The following C3orf49 variants were observed in gnomAD, a reference collection of about 807,000 sequenced individuals.
C3orf49 encodes the protein putative uncharacterized protein C3orf49.
Under a neutral mutation model 13.3 loss-of-function variants are expected in C3orf49, and 27 were observed. That is an observed-to-expected ratio of 2.02 (90% CI 1.49 to 2.79). The LOEUF (loss-of-function observed/expected upper bound fraction) is 2.79. Ranked by LOEUF, C3orf49 falls within the 30% of genes most tolerant of loss-of-function variation. C3orf49 has a pLI of 0.00. For synonymous variants in C3orf49, 87 were observed against 47.6 expected, an observed-to-expected ratio of 1.83 and a Z score of -3.40; for missense variants, 242 against 134.2, an observed-to-expected ratio of 1.80 and a Z score of -3.97.
chr3:63,847,558 G>A (rs1160236752), intron 6 of C3orf49, among the ~76,000 whole-genome samples: 3 of 152,146 alleles, frequency 2.0e-5, no homozygotes, highest in East Asian at 1.9e-4. Context: ...CCAACAAGGC[G>A]AAACCCTGTT....
the C3orf49 span, among the ~76,000 whole-genome samples, chr3:63,799,757 C>T: frequency 1.3e-5 from 2 of 152,162 alleles, no homozygotes; most frequent in East Asian, 3.9e-4. Flanking sequence ...ACAGTTGAAA[C>T]AGCAAAGCAG....
At chr3:63,813,988 A>C in the C3orf49 span, among the ~76,000 whole-genome samples, 2 of 152,154 alleles carry the variant, frequency 1.3e-5, no homozygotes, top group Non-Finnish European at 2.9e-5. Flanking sequence ...CTTCACCCAG[A>C]CTCAGAATAA....
the C3orf49 span, among the ~76,000 whole-genome samples, chr3:63,805,518 C>G: frequency 0.016 from 2,391 of 152,324 alleles, 33 homozygotes; most frequent in Non-Finnish European, 0.025. Flanking sequence ...GGGTCAGAGA[C>G]AAAGGACTTT....
the C3orf49 span, among the ~76,000 whole-genome samples, chr3:63,808,680 T>G: frequency 4.6e-5 from 7 of 152,218 alleles, no homozygotes; most frequent in Non-Finnish European, 1.0e-4. Flanking sequence ...TCTTCCAATT[T>G]AGTTGGTCAA....
chr3:63,780,636 C>A, the C3orf49 span, among the ~76,000 whole-genome samples: 1 of 152,232 alleles, frequency 6.6e-6, no homozygotes, highest in Non-Finnish European at 1.5e-5. Flanking sequence ...TGTTTCTCCA[C>A]ATCCTCTCCA....
At chr3:63,846,275 T>C in intron 6 of C3orf49, 2 of 436,660 alleles carry the variant, frequency 4.6e-6, no homozygotes, top group South Asian at 1.6e-5. Flanking sequence ...AATCAGGAGA[T>C]AATCCCCAAG....
the C3orf49 span, among the ~76,000 whole-genome samples, chr3:63,801,090 A>C: frequency 6.6e-6 from 1 of 152,128 alleles, no homozygotes; most frequent in Non-Finnish European, 1.5e-5. Flanking sequence ...TGCCCTGGGG[A>C]AGGGAAAAAA....
the C3orf49 span, among the ~76,000 whole-genome samples, chr3:63,796,238 C>T: frequency 6.6e-6 from 1 of 152,124 alleles, no homozygotes; most frequent in Non-Finnish European, 1.5e-5. Flanking sequence ...CTGTGGCAGT[C>T]ACCTCTAAAT....
intron 5 of C3orf49, among the ~76,000 whole-genome samples, chr3:63,837,338 A>AT (rs35256080): frequency 0.52 from 79,383 of 151,696 alleles, 23,114 homozygotes; most frequent in South Asian, 0.69. Context: ...TACACATTAT[A>AT]TTTTTTATTT....
the C3orf49 span, among the ~76,000 whole-genome samples, chr3:63,802,552 T>C: frequency 1.2e-4 from 19 of 152,236 alleles, no homozygotes; most frequent in Admixed American, 1.2e-3. Context: ...ACAGTTATGA[T>C]TATGTGGCCA....
intron 3 of C3orf49, among the ~76,000 whole-genome samples, chr3:63,829,129 G>C (rs910158332): frequency 6.6e-6 from 1 of 152,168 alleles, no homozygotes; most frequent in Non-Finnish European, 1.5e-5. Context: ...CTGTCAGAGT[G>C]CACTGATACT....
At chr3:63,819,096 T>TTTG (rs142440061), upstream of C3orf49, among the ~76,000 whole-genome samples, 4,012 of 152,162 alleles carry the variant, frequency 0.026, 167 homozygotes, top group African/African-American at 0.09. Flanking sequence ...GTGGGTGTTT[T>TTTG]TTGTTGTTGT....
the C3orf49 span, among the ~76,000 whole-genome samples, chr3:63,788,591 C>T: frequency 6.6e-6 from 1 of 152,002 alleles, no homozygotes; most frequent in African/African-American, 2.4e-5. Flanking sequence ...GCCCTGAGAA[C>T]TTGCAACATT....
upstream of C3orf49, among the ~76,000 whole-genome samples, chr3:63,817,742 C>G (rs556059695): frequency 2.1e-4 from 32 of 152,110 alleles, no homozygotes; most frequent in Non-Finnish European, 4.4e-4. Context: ...GTCACAGATG[C>G]CACAGCAGCA....
At chr3:63,832,441 G>A (rs977738048) in intron 5 of C3orf49, among the ~76,000 whole-genome samples, 2 of 152,220 alleles carry the variant, frequency 1.3e-5, no homozygotes, top group Admixed American at 6.5e-5. Context: ...GGTGGATCAC[G>A]TGAACCCAGG....
At chr3:63,847,328 C>A (rs1701920446) in intron 6 of C3orf49, among the ~76,000 whole-genome samples, 1 of 152,126 alleles carries the variant, frequency 6.6e-6, no homozygotes, top group African/African-American at 2.4e-5. Flanking sequence ...TTAACCATGG[C>A]CATTTTAAGT....
At chr3:63,821,472 C>G (rs1701393081) in intron 1 of C3orf49, among the ~76,000 whole-genome samples, 1 of 151,960 alleles carries the variant, frequency 6.6e-6, no homozygotes, top group African/African-American at 2.4e-5. Flanking sequence ...GAAATGAAAA[C>G]TTATGTTCAT....
At chr3:63,823,149 T>C (rs1405876599) in intron 1 of C3orf49, 101 bp from the exon 2 acceptor site, 1 of 570,550 alleles carries the variant, frequency 1.8e-6, no homozygotes, top group Admixed American at 3.2e-5. Flanking sequence ...TTTTCTGAAT[T>C]GTATAATTGG....
chr3:63,792,869 T>G, the C3orf49 span, among the ~76,000 whole-genome samples: 59 of 152,334 alleles, frequency 3.9e-4, no homozygotes, highest in Admixed American at 3.3e-3. Flanking sequence ...TGAGAAAAGA[T>G]TTGTGTGCGT....
Sources: gnomAD v4.1 joint callset for allele counts (sites outside exome capture counted in the v4.1 genomes callset) on GRCh38, gnomAD v4.1.1 for gene constraint, MANE v1.5 for transcripts, NCBI Gene and HGNC (gene_info 2026-07-23, HGNC 2026-07-21) for gene names.